The following ABCD2 variants were observed in gnomAD, a reference collection of about 807,000 sequenced individuals.
ABCD2 encodes ATP-binding cassette sub-family D member 2.
A neutral mutation model predicts 70.9 loss-of-function variants in ABCD2; 36 were observed. That is an observed-to-expected ratio of 0.51 (90% CI 0.39 to 0.67). The LOEUF is 0.67. Among genes scored for constraint, ABCD2 ranks in the 30% least tolerant of loss-of-function variants. ABCD2 has a pLI of 0.00. For missense variants in ABCD2, 729 were observed against 890.2 expected (o/e 0.82, Z 2.30); for synonymous variants, 304 against 306.9 (o/e 0.99, Z 0.10).
chr12:39,562,150 T>C (rs1014029724), intron 9 of ABCD2, among the ~76,000 whole-genome samples: 1 of 151,844 alleles, frequency 6.6e-6, no homozygotes, highest in African/African-American at 2.4e-5. Flanking sequence ...AAAACAAAAA[T>C]GGAAACACAA....
the ABCD2 span, among the ~76,000 whole-genome samples, chr12:39,534,698 G>A: frequency 1.2e-5 from 1 of 85,520 alleles, no homozygotes; most frequent in African/African-American, 4.6e-5. Flanking sequence ...AAGGAAGGAA[G>A]GACGGAAGGA....
intron 7 of ABCD2, among the ~76,000 whole-genome samples, chr12:39,585,569 A>G (rs1941652690): frequency 1.3e-5 from 2 of 152,134 alleles, no homozygotes; most frequent in African/African-American, 4.8e-5. Flanking sequence ...ATTTGAAAGT[A>G]TCACTAAACA....
At chr12:39,603,835 C>T in intron 5 of ABCD2, 77 bp downstream of exon 5, 1 of 1,083,606 alleles carries the variant, frequency 9.2e-7, no homozygotes, top group Non-Finnish European at 1.4e-6. Flanking sequence ...AAGTATTTAA[C>T]ATAAGGTACA....
chr12:39,570,967 C>T (rs1486224482), intron 9 of ABCD2, among the ~76,000 whole-genome samples: 1 of 152,116 alleles, frequency 6.6e-6, no homozygotes, highest in Admixed American at 6.6e-5. Flanking sequence ...AGAAGATACA[C>T]ACAAATGACA....
chr12:39,618,561 G>T, intron 1 of ABCD2, 116 bp downstream of exon 1: 1 of 863,908 alleles, frequency 1.2e-6, no homozygotes, highest in Non-Finnish European at 1.8e-6. Flanking sequence ...AGATGTCAGA[G>T]GAATCTAAGA....
chr12:39,567,991 A>ATG, intron 9 of ABCD2, among the ~76,000 whole-genome samples: 3 of 151,776 alleles, frequency 2.0e-5, no homozygotes, highest in African/African-American at 7.3e-5. Context: ...CTGCTGATAG[A>ATG]TCAGCTGTTA....
chr12:39,573,245 G>T (rs1325111739), intron 9 of ABCD2, among the ~76,000 whole-genome samples: 2 of 151,958 alleles, frequency 1.3e-5, no homozygotes, highest in Non-Finnish European at 2.9e-5. Flanking sequence ...AAAAAATTTA[G>T]CTCATTTTTC....
At chr12:39,602,614 A>T (rs1314552408) in intron 5 of ABCD2, among the ~76,000 whole-genome samples, 1 of 152,190 alleles carries the variant, frequency 6.6e-6, no homozygotes, top group African/African-American at 2.4e-5. Context: ...ATAAATAATT[A>T]TGAAGAAAGT....
intron 2 of ABCD2, among the ~76,000 whole-genome samples, chr12:39,613,995 T>C (rs1942081883): frequency 6.6e-6 from 1 of 152,206 alleles, no homozygotes; most frequent in Admixed American, 6.5e-5. Flanking sequence ...TTGAACGTGC[T>C]CCTTTAAGCT....
Position 39,600,585 on chromosome 12 carries a change from A to G in ABCD2, c.1632T>C (p.Phe544=), listed in dbSNP as rs1941883103. ...VLYKPPPQHM[F]YIPQRPYMSL... ...GATATACCTACCTTTGTGGAATATA[A>G]AACATATGTTGAGGAGGTGGTTTAT... The change falls in exon 6 of 10, where the codon TTT becomes TTC. Residue 544 remains phenylalanine, a synonymous_variant. Transcript: ENST00000308666. 4 of 1,598,172 alleles carry G rather than the reference A, an allele frequency of 2.5e-6. No homozygotes were observed. Among genetic ancestry groups the G allele is most frequent in the African/African-American group, 1.3e-5 (1 of 74,108 alleles).
chr12:39,586,473 T>C (rs1486881804), intron 6 of ABCD2, among the ~76,000 whole-genome samples, 176 bp from the exon 7 acceptor site: 1 of 152,234 alleles, frequency 6.6e-6, no homozygotes, highest in African/African-American at 2.4e-5. Flanking sequence ...AATACCGTTA[T>C]GTTTACATAA....
intron 1 of ABCD2, among the ~76,000 whole-genome samples, chr12:39,617,946 TG>T (rs1313231286): frequency 6.6e-6 from 1 of 152,188 alleles, no homozygotes; most frequent in Non-Finnish European, 1.5e-5. Flanking sequence ...TTTAGGGATC[TG>T]CTTAATGTTG....
chr12:39,600,532 A>G, intron 6 of ABCD2, 39 bp downstream of exon 6: 1 of 1,503,166 alleles, frequency 6.7e-7, no homozygotes, highest in Non-Finnish European at 9.0e-7. Flanking sequence ...TCAAGAGCAA[A>G]AGGAAATTGT....
rs1345548071 is a variant in ABCD2 at position 39,551,228 on chromosome 12, T to A, written c.*2684A>T. ...CAACGTTTTCATAGAATCCAACTTA[T>A]TTTTCAAGTTTAAGAGTTAACCTAA... is the stretch of plus-strand genomic sequence containing the variant. On this transcript the variant is annotated 3_prime_UTR_variant, in exon 10 of 10. Coordinates refer to ENST00000308666, the MANE Select transcript of ABCD2 (RefSeq NM_005164.4). 1 of 151,696 alleles carries A rather than the reference T, an allele frequency of 6.6e-6. No homozygotes were observed. The highest frequency in any genetic ancestry group is 2.4e-5 in the African/African-American group (1 of 41,412). 9.4% of individuals were successfully genotyped at this position (151,696 alleles called of 1,614,324 possible).
At chr12:39,586,716 G>A (rs1941671218) in intron 6 of ABCD2, among the ~76,000 whole-genome samples, 1 of 152,010 alleles carries the variant, frequency 6.6e-6, no homozygotes, top group Non-Finnish European at 1.5e-5. Context: ...TTTTCAGCAG[G>A]GAAATATTGT....
At chr12:39,575,629 T>C (rs1417738088) in intron 8 of ABCD2, among the ~76,000 whole-genome samples, 1 of 152,194 alleles carries the variant, frequency 6.6e-6, no homozygotes, top group African/African-American at 2.4e-5. Context: ...AAGTTCTTGA[T>C]TTTTGCCAGC....
chr12:39,582,484 A>C (rs926084601), intron 7 of ABCD2, among the ~76,000 whole-genome samples: 9 of 152,240 alleles, frequency 5.9e-5, no homozygotes, highest in Non-Finnish European at 1.2e-4. Context: ...TCTTGGAAAG[A>C]GTTCTAGACC....
intron 2 of ABCD2, among the ~76,000 whole-genome samples, chr12:39,614,675 C>T (rs906056384): frequency 3.3e-5 from 5 of 151,864 alleles, no homozygotes; most frequent in Non-Finnish European, 7.4e-5. Flanking sequence ...TATGTAATTC[C>T]AAGAACTAAA....
chr12:39,566,370 G>T (rs113635449), intron 9 of ABCD2, among the ~76,000 whole-genome samples: 13,176 of 152,164 alleles, frequency 0.087, 1,676 homozygotes, highest in African/African-American at 0.28. Context: ...GGTTGTTTGT[G>T]TCGAGGAATT....
Sources: allele counts gnomAD v4.1 joint callset (sites outside exome capture counted in the v4.1 genomes callset), GRCh38; gene constraint gnomAD v4.1.1; transcripts MANE v1.5; gene names NCBI Gene and HGNC (gene_info 2026-07-23, HGNC 2026-07-21).